Variants in USP34 observed in about 807,000 individuals in gnomAD.
USP34 encodes the protein ubiquitin specific peptidase 34.
In USP34, 70 loss-of-function variants were observed where a neutral mutation model predicts 460.3. The ratio of observed to expected loss-of-function variants is 0.15; its 90% CI spans 0.13 to 0.19. The LOEUF (loss-of-function observed/expected upper bound fraction) is 0.19, where lower values mean the gene tolerates loss of function less well. Ranked by LOEUF, USP34 falls within the 10% of genes least tolerant of loss-of-function variation. The pLI, the probability that USP34 is intolerant of heterozygous loss-of-function variation, is 1.00. For missense variants in USP34, 3,985 were observed against 4,236.2 expected (o/e 0.94, Z 1.65); for synonymous variants, 1,647 against 1,405.3 (o/e 1.17, Z -3.85).
At chr2:61,457,868 A>C (rs956052164) in intron 1 of USP34, among the ~76,000 whole-genome samples, 1 of 152,202 alleles carries the variant, frequency 6.6e-6, no homozygotes, top group African/African-American at 2.4e-5. Flanking sequence ...CAGCAGCAGC[A>C]ACAACAAAAA....
At chr2:61,224,882 G>A (rs758353710) in intron 62 of USP34, among the ~76,000 whole-genome samples, 36 of 152,294 alleles carry the variant, frequency 2.4e-4, no homozygotes, top group Admixed American at 1.8e-3. Context: ...GACCTCAGTA[G>A]TCTTAGACTG....
At chr2:61,443,176 A>G (rs1176176980) in intron 1 of USP34, among the ~76,000 whole-genome samples, 1 of 152,206 alleles carries the variant, frequency 6.6e-6, no homozygotes, top group Non-Finnish European at 1.5e-5. Flanking sequence ...TTGTGAAAGG[A>G]TAAAAATTAC....
chr2:61,317,354 C>T (rs993580579), intron 23 of USP34, among the ~76,000 whole-genome samples: 1 of 152,108 alleles, frequency 6.6e-6, no homozygotes, highest in African/African-American at 2.4e-5. Context: ...TGGTAAAACC[C>T]TGTCTCTACC....
rs138868169 is a variant in USP34 at position 61,398,008 on chromosome 2, T to C, written c.553-2775A>G. On this transcript the variant is annotated intron_variant, in intron 3 of 79. Transcript: ENST00000398571. ...CTTGAACCCGCTTGGGGGAGGGGGGTTGCAGTGAGTCAAGATTGTACCAAT... is the reference window on the plus strand; with the variant it reads ...CTTGAACCCGCTTGGGGGAGGGGGGCTGCAGTGAGTCAAGATTGTACCAAT... Among the ~76,000 whole-genome samples, 387 of 150,562 alleles carry C rather than the reference T, an allele frequency of 2.6e-3. 2 individuals are homozygous for C. The highest frequency in any genetic ancestry group is 4.3e-3 in the Non-Finnish European group (293 of 67,702).
At chr2:61,442,690 A>G (rs1295510018) in intron 1 of USP34, among the ~76,000 whole-genome samples, 2 of 152,204 alleles carry the variant, frequency 1.3e-5, no homozygotes, top group Non-Finnish European at 2.9e-5. Context: ...ACTATAGAGA[A>G]CAGTATCAAA....
At position 61,348,169 on chromosome 2, in the gene USP34, T is replaced by C; in HGVS notation, c.1986A>G (p.Ser662=). 1 of 1,614,232 alleles carries C rather than the reference T, an allele frequency of 6.2e-7. No individual in the cohort carries two copies. The highest frequency in any genetic ancestry group is 8.5e-7 in the Non-Finnish European group (1 of 1,180,032). The change falls in exon 15 of 80, where the codon TCA becomes TCG. Residue 662 remains serine, a synonymous_variant. Transcript: ENST00000398571. ...TTCCGCTGCTTGTCCCATTTCTTTC[T>C]GACATGCCTTGGGAGTCCCCCAGGC... ...GICLGDSQGM[S]ERNGTSSGTG... is the part of the protein sequence containing the mutation.
chr2:61,399,527 C>T (rs1029668273), intron 3 of USP34, among the ~76,000 whole-genome samples: 1 of 151,792 alleles, frequency 6.6e-6, no homozygotes, highest in African/African-American at 2.4e-5. Context: ...TAACACACAT[C>T]TATAGGTTAA....
At chr2:61,248,785 T>A in intron 48 of USP34, 102 bp from the exon 49 acceptor site, 1 of 1,143,106 alleles carries the variant, frequency 8.7e-7, no homozygotes, top group Non-Finnish European at 1.2e-6. Context: ...AACTCAGAGT[T>A]AAGAAGTATA....
intron 34 of USP34, among the ~76,000 whole-genome samples, chr2:61,287,410 A>G (rs574489631): frequency 6.6e-6 from 1 of 152,352 alleles, no homozygotes; most frequent in East Asian, 1.9e-4. Flanking sequence ...CCACAATCAA[A>G]AAGATTCTAT....
intron 41 of USP34, among the ~76,000 whole-genome samples, chr2:61,270,995 T>C (rs2103932463): frequency 6.6e-6 from 1 of 152,124 alleles, no homozygotes; most frequent in East Asian, 1.9e-4. Context: ...TTAAAAAAGC[T>C]GTATCTGGCC....
intron 41 of USP34, among the ~76,000 whole-genome samples, chr2:61,270,089 A>T (rs1186389885): frequency 2.0e-5 from 3 of 152,198 alleles, no homozygotes; most frequent in African/African-American, 7.2e-5. Flanking sequence ...TACAAAAGTA[A>T]TTGCCATGGC....
intron 2 of USP34, among the ~76,000 whole-genome samples, chr2:61,406,830 C>A (rs1194351576): frequency 6.6e-6 from 1 of 151,224 alleles, no homozygotes; most frequent in East Asian, 1.9e-4. Flanking sequence ...CATGGTGAAA[C>A]CCTGTCTCTA....
chr2:61,414,792 T>C (rs1694146370), intron 2 of USP34, among the ~76,000 whole-genome samples: 1 of 152,150 alleles, frequency 6.6e-6, no homozygotes, highest in Non-Finnish European at 1.5e-5. Context: ...GGTTTCCTAT[T>C]GGTTACTTGG....
intron 53 of USP34, among the ~76,000 whole-genome samples, chr2:61,237,215 G>A (rs959991306): frequency 3.0e-4 from 46 of 152,072 alleles, no homozygotes; most frequent in Admixed American, 1.1e-3. Context: ...TTTCTATTAA[G>A]CTGTAGCCCC....
At chr2:61,241,305 G>A (rs1688250623) in intron 53 of USP34, among the ~76,000 whole-genome samples, 1 of 152,102 alleles carries the variant, frequency 6.6e-6, no homozygotes, top group Non-Finnish European at 1.5e-5. Context: ...GCCTCCCAAA[G>A]TGCTGAGATT....
At chr2:61,265,661 A>T in intron 42 of USP34, 104 bp from the exon 43 acceptor site, 1 of 1,021,770 alleles carries the variant, frequency 9.8e-7, no homozygotes, top group Non-Finnish European at 1.4e-6. Flanking sequence ...TACCTCATTA[A>T]TATATATAGA....
rs899392696 is a variant in USP34, at chr2:61,368,667, A to G, written c.1251+1654T>C. ...AAAATTGCACAACAAAAAAGGGAGGAAAGTTGGACACATACATAACACTTT... is the reference window on the plus strand; with the variant it reads ...AAAATTGCACAACAAAAAAGGGAGGGAAGTTGGACACATACATAACACTTT... On this transcript the variant is annotated intron_variant, in intron 10 of 79. Transcript: ENST00000398571. Among the ~76,000 whole-genome samples the G allele has an allele frequency of 3.3e-5, 5 of 152,344 alleles. No individual in the cohort carries two copies. The South Asian group carries it at 1.0e-3, about 32-fold the overall frequency.
At chr2:61,383,235 G>A (rs764988153) in intron 6 of USP34, 34 bp downstream of exon 6, 1 of 1,460,508 alleles carries the variant, frequency 6.8e-7, no homozygotes. Context: ...ATATTACACT[G>A]ATAATCGGGG....
At chr2:61,407,116 T>C (rs1693896726) in intron 2 of USP34, among the ~76,000 whole-genome samples, 1 of 152,230 alleles carries the variant, frequency 6.6e-6, no homozygotes, top group Admixed American at 6.5e-5. Flanking sequence ...CCAGGTGCAG[T>C]GGTTCACACC....
Sources: gnomAD v4.1 joint callset for allele counts (sites outside exome capture counted in the v4.1 genomes callset) on GRCh38, gnomAD v4.1.1 for gene constraint, MANE v1.5 for transcripts, NCBI Gene and HGNC (gene_info 2026-07-23, HGNC 2026-07-21) for gene names.